Variants in GRIK2 observed in about 807,000 individuals in gnomAD.
GRIK2 encodes the protein glutamate ionotropic receptor kainate type subunit 2, also known as glutamate receptor ionotropic, kainate 2.
A neutral mutation model predicts 100.3 loss-of-function variants in GRIK2; 32 were observed. The ratio of observed to expected loss-of-function variants is 0.32; its 90% CI spans 0.24 to 0.43. GRIK2 has a LOEUF of 0.43. Among genes scored for constraint, GRIK2 ranks in the 20% least tolerant of loss-of-function variants. The pLI, the probability that GRIK2 is intolerant of heterozygous loss-of-function variation, is 1.00. For missense variants in GRIK2, 843 were observed against 1,114.9 expected (o/e 0.76, Z 3.47); for synonymous variants, 417 against 389.4 (o/e 1.07, Z -0.83).
In GRIK2 at chr6:102,012,079, CT is replaced by C. The variant is rs546253317; in HGVS notation, c.2086-23255del. 2.6e-5 allele frequency among the ~76,000 whole-genome samples: 4 copies of C among 152,118 alleles called. No homozygotes were observed. The South Asian group carries it at 8.3e-4, about 32-fold the overall frequency. On this transcript the variant is annotated intron_variant, in intron 14 of 16. Transcript: ENST00000369134. ...AAGGTCTGTGTCTAGATTCATTTTT[CT>C]TTTTTTAAAGTTTTTCTAGCACTAT...
intron 14 of GRIK2, among the ~76,000 whole-genome samples, chr6:101,994,487 C>CT (rs548504492): frequency 1.3e-5 from 2 of 151,656 alleles, no homozygotes; most frequent in East Asian, 1.9e-4. Context: ...ATTTTAAATA[C>CT]TTTTTTTATA....
intron 14 of GRIK2, among the ~76,000 whole-genome samples, chr6:102,001,269 A>C (rs966131714): frequency 6.6e-6 from 1 of 151,044 alleles, no homozygotes; most frequent in African/African-American, 2.4e-5. Context: ...TACATGTGCC[A>C]TGGTGGTTTG....
chr6:102,031,219 A>G (rs1769983066), intron 14 of GRIK2, among the ~76,000 whole-genome samples: 1 of 150,676 alleles, frequency 6.6e-6, no homozygotes, highest in Non-Finnish European at 1.5e-5. Context: ...GTGCTTCTAA[A>G]TGGTCTTTTT....
chr6:101,587,435 TCCTACCTACTTA>T (rs769877022), intron 2 of GRIK2, among the ~76,000 whole-genome samples: 3 of 152,094 alleles, frequency 2.0e-5, no homozygotes, highest in Admixed American at 1.3e-4. Flanking sequence ...CATCCATCCT[TCCTACCTACTTA>T]CCTACCTACC....
At chr6:101,615,464 T>C (rs1779847812) in intron 2 of GRIK2, among the ~76,000 whole-genome samples, 1 of 151,748 alleles carries the variant, frequency 6.6e-6, no homozygotes, top group African/African-American at 2.4e-5. Flanking sequence ...TGAATTTTGG[T>C]GTAAGTCTAG....
chr6:102,022,635 A>T (rs1015782480), intron 14 of GRIK2, among the ~76,000 whole-genome samples: 3 of 151,740 alleles, frequency 2.0e-5, no homozygotes, highest in African/African-American at 7.2e-5. Context: ...TGCAAAGTTC[A>T]TACTGTCAGA....
intron 13 of GRIK2, among the ~76,000 whole-genome samples, chr6:101,925,372 C>T (rs1024065573): frequency 1.3e-5 from 2 of 150,024 alleles, no homozygotes; most frequent in South Asian, 4.2e-4. Flanking sequence ...TGTACTAATA[C>T]GTCTTAATGG....
At chr6:101,843,800 A>T (rs1783653931) in intron 10 of GRIK2, among the ~76,000 whole-genome samples, 1 of 152,202 alleles carries the variant, frequency 6.6e-6, no homozygotes, top group Non-Finnish European at 1.5e-5. Flanking sequence ...TTTTAATTGC[A>T]TTTTAATTGT....
intron 14 of GRIK2, chr6:101,993,744 A>AAATC (rs2128492895): frequency 6.7e-6 from 1 of 149,532 alleles, no homozygotes; most frequent in East Asian, 2.0e-4. Context: ...TAAATCTATT[A>AAATC]TACTTCCATC....
chr6:101,501,967 C>T (rs547843453), intron 2 of GRIK2, among the ~76,000 whole-genome samples: 3 of 151,984 alleles, frequency 2.0e-5, no homozygotes, highest in Non-Finnish European at 4.4e-5. Flanking sequence ...ATATTGGTTT[C>T]ACCTCAAGTG....
Position 101,470,274 on chromosome 6 carries a change from C to A in GRIK2, c.115+70882C>A, listed in dbSNP as rs185866231. ...CTGGGATCTCCTTAATGGTGGATAG[C>A]TTTTGGTAGAGTTCTAGCTGACTTG... On this transcript the variant is annotated intron_variant, in intron 2 of 16. Coordinates refer to ENST00000369134, the MANE Select transcript of GRIK2 (RefSeq NM_021956.5). 1.8e-3 allele frequency among the ~76,000 whole-genome samples: 269 copies of A among 152,284 alleles called. 2 individuals carry two copies. Among genetic ancestry groups the A allele is most frequent in the African/African-American group, 6.2e-3 (256 of 41,576 alleles).
intron 2 of GRIK2, among the ~76,000 whole-genome samples, chr6:101,464,489 T>TTTTCTTTC (rs1222427344): frequency 8.6e-6 from 1 of 115,874 alleles, no homozygotes; most frequent in Non-Finnish European, 1.8e-5. Context: ...TACCTTTTCT[T>TTTTCTTTC]TTTCTTTCTT....
At chr6:101,502,913 C>T (rs1219086824) in intron 2 of GRIK2, among the ~76,000 whole-genome samples, 1 of 152,092 alleles carries the variant, frequency 6.6e-6, no homozygotes, top group East Asian at 1.9e-4. Context: ...GACTTCAGGA[C>T]TTTTTCAAGC....
At chr6:101,928,094 A>G (rs920561690) in intron 13 of GRIK2, 17 of 261,528 alleles carry the variant, frequency 6.5e-5, no homozygotes, top group Admixed American at 6.4e-4. Flanking sequence ...TATAAACCAG[A>G]AAGCCTAAAA....
chr6:101,745,110 A>G (rs1776344807), intron 7 of GRIK2: 1 of 152,238 alleles, frequency 6.6e-6, no homozygotes, highest in Non-Finnish European at 1.5e-5. Context: ...GAATGCTAAC[A>G]TAAGGATTAA....
chr6:102,021,158 T>A (rs1769402424), intron 14 of GRIK2, among the ~76,000 whole-genome samples: 1 of 151,754 alleles, frequency 6.6e-6, no homozygotes, highest in African/African-American at 2.4e-5. Context: ...ATCTGAATGA[T>A]AAAGACAAAT....
At chr6:102,006,705 GCCCCTTGA>G (rs1562105908) in intron 14 of GRIK2, among the ~76,000 whole-genome samples, 2 of 151,176 alleles carry the variant, frequency 1.3e-5, no homozygotes, top group East Asian at 3.9e-4. Flanking sequence ...TCCTTATTAA[GCCCCTTGA>G]CCCCTACAAG....
chr6:101,863,100 T>A (rs1784823548), intron 11 of GRIK2, among the ~76,000 whole-genome samples: 1 of 152,132 alleles, frequency 6.6e-6, no homozygotes, highest in Non-Finnish European at 1.5e-5. Flanking sequence ...CCATCTTTAG[T>A]TTTTCACCGC....
chr6:101,522,943 T>TATA (rs1450085935), intron 2 of GRIK2, among the ~76,000 whole-genome samples: 1 of 150,910 alleles, frequency 6.6e-6, no homozygotes, highest in African/African-American at 2.4e-5. Context: ...AATCTATTTA[T>TATA]TAAATTAATG....
Sources: gnomAD v4.1 joint callset for allele counts (sites outside exome capture counted in the v4.1 genomes callset) on GRCh38, gnomAD v4.1.1 for gene constraint, MANE v1.5 for transcripts, NCBI Gene and HGNC (gene_info 2026-07-23, HGNC 2026-07-21) for gene names.